SWT1: variants seen among roughly 807,000 people sequenced by gnomAD.
The protein encoded by SWT1 is transcriptional protein SWT1.
Under a neutral mutation model 107.3 loss-of-function variants are expected in SWT1, and 33 were observed. The observed-to-expected ratio is 0.31, with a 90% CI of 0.23 to 0.41. The LOEUF (loss-of-function observed/expected upper bound fraction) is 0.41. SWT1 is among the 10% of genes least tolerant of loss of function. SWT1 has a pLI of 1.00. For synonymous variants in SWT1, 345 were observed against 348.3 expected (o/e 0.99, Z 0.11); for missense variants, 898 against 1,028.9 (o/e 0.87, Z 1.74).
At chr1:185,200,145 C>T (rs1330484091) in intron 10 of SWT1, among the ~76,000 whole-genome samples, 2 of 151,478 alleles carry the variant, frequency 1.3e-5, no homozygotes, top group Non-Finnish European at 3.0e-5. Flanking sequence ...AGCAATTCCT[C>T]TAACCTGTTT....
intron 16 of SWT1, among the ~76,000 whole-genome samples, chr1:185,265,836 T>C (rs1205798382): frequency 1.3e-5 from 2 of 152,212 alleles, no homozygotes; most frequent in South Asian, 2.1e-4. Flanking sequence ...TTATTAGCTA[T>C]AGAGAATATA....
At chr1:185,226,193 T>A (rs1558055246) in intron 15 of SWT1, among the ~76,000 whole-genome samples, 1 of 152,186 alleles carries the variant, frequency 6.6e-6, no homozygotes, top group Non-Finnish European at 1.5e-5. Flanking sequence ...TGCATTTGTG[T>A]TGGATGCTAG....
rs201567858 is a variant in SWT1 at position 185,188,172 on chromosome 1, TCTTTATTTTGTTCA to T, written c.1430-2361_1430-2348del. On this transcript the variant is annotated intron_variant, in intron 9 of 18. Transcript: ENST00000367500. Reference sequence around the variant, plus strand: ...TAACCAGACTGGTCTGTTTCCGGAGTCTTTATTTTGTTCACTTTATTTTGTTCACATGTACAGGT... The same window carrying T: ...TAACCAGACTGGTCTGTTTCCGGAGTCTTTATTTTGTTCACATGTACAGGT... Among the ~76,000 whole-genome samples, 885 of 152,104 alleles carry T rather than the reference TCTTTATTTTGTTCA, an allele frequency of 5.8e-3. 30 individuals carry two copies. The East Asian group carries it at 0.094, about 16-fold the overall frequency.
chr1:185,184,414 G>A, intron 8 of SWT1, 70 bp downstream of exon 8: 2 of 710,008 alleles, frequency 2.8e-6, no homozygotes. Context: ...AACAATGATG[G>A]GCTTTTTTTG....
chr1:185,280,819 G>A (rs867985338), intron 18 of SWT1: 2 of 351,476 alleles, frequency 5.7e-6, no homozygotes, highest in African/African-American at 4.3e-5. Context: ...AGGGAGCCAG[G>A]ACTTGAGGGT....
intron 16 of SWT1, among the ~76,000 whole-genome samples, chr1:185,259,732 C>G (rs1662890667): frequency 6.6e-6 from 1 of 152,124 alleles, no homozygotes; most frequent in South Asian, 2.1e-4. Flanking sequence ...CAGACTTTTC[C>G]CTCTATAGGG....
At position 185,290,796 on chromosome 1, in the gene SWT1, G is replaced by A. The variant is rs763669341; in HGVS notation, c.2696G>A (p.Arg899Lys). Reference protein sequence around the residue: ...RGWCEDMLNYRI With the variant: ...RGWCEDMLNYKI ...TGGTGTGAAGACATGCTCAACTATAGGATATAAGTACTGATTTGTAACTTT... is the reference window on the plus strand; with the variant it reads ...TGGTGTGAAGACATGCTCAACTATAAGATATAAGTACTGATTTGTAACTTT... The change falls in exon 19 of 19, where the codon AGG becomes AAG. Residue 899 changes from arginine (R) to lysine (K), a missense_variant. By Grantham distance (26) the Arg-to-Lys change is conservative. Coordinates refer to ENST00000367500, the MANE Select transcript of SWT1 (RefSeq NM_017673.7). The A allele has an allele frequency of 5.0e-6, 8 of 1,606,228 alleles. No homozygotes were observed. The East Asian group carries it at 1.8e-4, about 36-fold the overall frequency.
intron 14 of SWT1, among the ~76,000 whole-genome samples, chr1:185,216,053 G>A (rs1659192435): frequency 6.6e-6 from 1 of 152,118 alleles, no homozygotes; most frequent in Non-Finnish European, 1.5e-5. Context: ...GTAATCAAAG[G>A]ATTAGATGAT....
intron 3 of SWT1, among the ~76,000 whole-genome samples, chr1:185,167,068 C>T (rs1654641160): frequency 6.6e-6 from 1 of 152,084 alleles, no homozygotes; most frequent in Admixed American, 6.5e-5. Flanking sequence ...CCACCAGGCT[C>T]AGCTAATTTT....
intron 18 of SWT1, among the ~76,000 whole-genome samples, chr1:185,283,173 T>C (rs1664742471): frequency 6.6e-6 from 1 of 152,216 alleles, no homozygotes; most frequent in Non-Finnish European, 1.5e-5. Context: ...TGATGGGTTC[T>C]AATAAAGCAA....
At chr1:185,171,804 T>C in intron 4 of SWT1, 1 of 356,228 alleles carries the variant, frequency 2.8e-6, no homozygotes, top group Non-Finnish European at 5.4e-6. Flanking sequence ...CTCCAACTCT[T>C]GGGCTCAAGT....
intron 10 of SWT1, among the ~76,000 whole-genome samples, chr1:185,196,529 A>G (rs192120148): frequency 3.0e-4 from 45 of 152,292 alleles, no homozygotes; most frequent in Admixed American, 6.5e-4. Context: ...AAGAAAGCCA[A>G]TGGTAGCTTG....
At chr1:185,231,498 A>G (rs1660502486) in intron 15 of SWT1, 79 bp from the exon 16 acceptor site, 1 of 1,004,556 alleles carries the variant, frequency 1.0e-6, no homozygotes, top group East Asian at 2.4e-5. Context: ...ACTTTACTTT[A>G]TACATTTGCA....
At position 185,234,719 on chromosome 1, in the gene SWT1, C is replaced by T. The variant is rs546975072; in HGVS notation, c.2441+3011C>T. On this transcript the variant is annotated intron_variant, in intron 16 of 18. Coordinates refer to ENST00000367500, the MANE Select transcript of SWT1 (RefSeq NM_017673.7). ...TTCTTCATAGTGTCGATGGTCTTTA[C>T]GTACAATTTGGTATGTTTTTGCAGT... Among the ~76,000 whole-genome samples, 13 of 152,224 alleles carry T rather than the reference C, an allele frequency of 8.5e-5. No homozygotes were observed. The East Asian group carries it at 1.9e-3, about 23-fold the overall frequency.
In SWT1 at chr1:185,158,311, G is replaced by GATT. The variant is rs3840433; in HGVS notation, c.-10+1000_-10+1002dup. 3.9e-5 allele frequency among the ~76,000 whole-genome samples: 6 copies of GATT among 151,964 alleles called. No individual in the cohort carries two copies. The East Asian group carries it at 1.2e-3, about 29-fold the overall frequency. ...ACCTCTCCCCAGTTTAATGGGAACA[G>GATT]ATTATCCCTGTGGAGCTTCTGTGAG... On this transcript the variant is annotated intron_variant, in intron 1 of 18. Transcript: ENST00000367500.
At chr1:185,194,575 A>AT (rs1657230439) in intron 10 of SWT1, among the ~76,000 whole-genome samples, 1 of 152,092 alleles carries the variant, frequency 6.6e-6, no homozygotes, top group African/African-American at 2.4e-5. Flanking sequence ...ATACTTTAAA[A>AT]AAAAAAAAGT....
intron 16 of SWT1, among the ~76,000 whole-genome samples, chr1:185,238,042 A>G (rs1414663676): frequency 6.6e-6 from 1 of 151,474 alleles, no homozygotes; most frequent in Non-Finnish European, 1.5e-5. Flanking sequence ...GCTGGAGTAC[A>G]GTGGAGCAAT....
At chr1:185,191,958 T>TC (rs1312409707) in intron 10 of SWT1, among the ~76,000 whole-genome samples, 51 of 152,148 alleles carry the variant, frequency 3.4e-4, no homozygotes, top group Non-Finnish European at 4.6e-4. Context: ...TTTCTCTCTC[T>TC]CTTTTTTTGG....
At chr1:185,196,961 T>C (rs1657444581) in intron 10 of SWT1, among the ~76,000 whole-genome samples, 1 of 152,186 alleles carries the variant, frequency 6.6e-6, no homozygotes, top group African/African-American at 2.4e-5. Flanking sequence ...TGTTTTCTGA[T>C]TGCCCTGGCC....
Sources: gnomAD v4.1 joint callset for allele counts (sites outside exome capture counted in the v4.1 genomes callset) on GRCh38, gnomAD v4.1.1 for gene constraint, MANE v1.5 for transcripts, NCBI Gene and HGNC (gene_info 2026-07-23, HGNC 2026-07-21) for gene names.